Variants in ADAMTS7 observed in about 807,000 individuals in gnomAD.
ADAMTS7 encodes ADAM metallopeptidase with thrombospondin type 1 motif 7.
In ADAMTS7, 89 loss-of-function variants were observed where a neutral mutation model predicts 172.6. The ratio of observed to expected loss-of-function variants is 0.52; its 90% CI spans 0.43 to 0.61. The LOEUF is 0.61. ADAMTS7 is among the 20% of genes least tolerant of loss of function. The pLI is 0.00. For missense variants in ADAMTS7, 1,973 were observed against 2,355.6 expected, an observed-to-expected ratio of 0.84 and a Z score of 3.36; for synonymous variants, 885 against 978.4, an observed-to-expected ratio of 0.90 and a Z score of 1.78.
At chr15:78,774,010 G>A (rs1384416840) in intron 13 of ADAMTS7, among the ~76,000 whole-genome samples, 157 bp downstream of exon 13, 1 of 152,188 alleles carries the variant, frequency 6.6e-6, no homozygotes, top group African/African-American at 2.4e-5. Context: ...AGAGCATGGG[G>A]AGGGTGGCCC....
At position 78,759,308 on chromosome 15, in the gene ADAMTS7, G is replaced by A; in HGVS notation, c.*113C>T. The A allele has an allele frequency of 9.9e-7, 1 of 1,013,898 alleles. No individual in the cohort carries two copies. The highest frequency in any genetic ancestry group is 3.0e-5 in the East Asian group (1 of 33,570). The allele number at this position is 1,013,898 out of a possible 1,614,324, so 62.8% of individuals were successfully genotyped here. ...TTGAGGGGGAGGAGGTCCCCAGCCT[G>A]CTGCTGGGTAGTGAGAGGGGGTTAG... On this transcript the variant is annotated 3_prime_UTR_variant, in exon 24 of 24. Coordinates refer to ENST00000388820, the MANE Select transcript of ADAMTS7 (RefSeq NM_014272.5).
chr15:78,765,511 CT>C (rs2055124623), intron 19 of ADAMTS7, 133 bp downstream of exon 19: 4 of 1,447,730 alleles, frequency 2.8e-6, no homozygotes, highest in African/African-American at 1.4e-5. Flanking sequence ...CCTCATCCCC[CT>C]AATCCTGGGA....
At chr15:78,792,652 A>C (rs1369625772) in intron 4 of ADAMTS7, among the ~76,000 whole-genome samples, 4 of 152,210 alleles carry the variant, frequency 2.6e-5, no homozygotes, top group Non-Finnish European at 4.4e-5. Flanking sequence ...GTCTCTACTA[A>C]AAATACAAAA....
intron 4 of ADAMTS7, 34 bp downstream of exon 4, chr15:78,796,556 C>A: frequency 3.2e-6 from 5 of 1,569,714 alleles, no homozygotes; most frequent in Non-Finnish European, 4.4e-6. Flanking sequence ...CCAACACCAT[C>A]CCCGCCACCC....
intron 6 of ADAMTS7, among the ~76,000 whole-genome samples, chr15:78,790,161 G>A (rs1025115500): frequency 6.6e-5 from 10 of 152,328 alleles, no homozygotes; most frequent in African/African-American, 2.4e-4. Flanking sequence ...AGCAGTTGCC[G>A]GAGGTTAGGG....
At position 78,774,658 on chromosome 15, in the gene ADAMTS7, G is replaced by A. The variant is rs752925541; in HGVS notation, c.1842C>T (p.Gly614=). 4.3e-6 allele frequency: 7 copies of A among 1,611,628 alleles called. No individual in the cohort carries two copies. The East Asian group carries it at 1.1e-4, about 26-fold the overall frequency. ...CSHFDAMLYK[G]QLHTWVPVVN... Reference sequence around the variant, plus strand: ...CCACGGGCACCCATGTGTGCAGCTGGCCCTTGTAGAGCATAGCGTCAAAGT... The same window carrying A: ...CCACGGGCACCCATGTGTGCAGCTGACCCTTGTAGAGCATAGCGTCAAAGT... The change falls in exon 12 of 24, where the codon GGC becomes GGT. Residue 614 remains glycine, a synonymous_variant. Transcript: ENST00000388820.
intron 8 of ADAMTS7, among the ~76,000 whole-genome samples, chr15:78,780,965 T>A (rs553925445): frequency 1.3e-5 from 2 of 152,250 alleles, no homozygotes; most frequent in South Asian, 4.1e-4. Context: ...GACAGGCACC[T>A]GGAGGTCTGT....
At position 78,765,980 on chromosome 15, in the gene ADAMTS7, C is replaced by G. The variant is rs199598321; in HGVS notation, c.3931G>C (p.Glu1311Gln). ...GTTGGGAAGGAGGGAGTCCCCGGCTCCAGGGAACTGTCCCTGACCTTCATC... is the reference window on the plus strand; with the variant it reads ...GTTGGGAAGGAGGGAGTCCCCGGCTGCAGGGAACTGTCCCTGACCTTCATC... ...PEMKVRDSSLEPGTPSFPTPG... is the reference protein window; with the variant it reads ...PEMKVRDSSLQPGTPSFPTPG... Residue 1311 changes from glutamate to glutamine, a missense_variant, in exon 19 of 24, where the codon GAG (glutamate) becomes CAG (glutamine). This residue lies in a region of ADAMTS7 where 771 missense variants were observed against 952.6 expected (regional missense o/e 0.81). Coordinates refer to ENST00000388820, the MANE Select transcript of ADAMTS7 (RefSeq NM_014272.5). 11 of 1,597,372 alleles carry G rather than the reference C, an allele frequency of 6.9e-6. No individual in the cohort carries two copies. The highest frequency in any genetic ancestry group is 5.3e-5 in the Admixed American group (3 of 56,144).
chr15:78,793,632 C>A (rs144030296), intron 4 of ADAMTS7, among the ~76,000 whole-genome samples: 1 of 152,328 alleles, frequency 6.6e-6, no homozygotes, highest in East Asian at 1.9e-4. Context: ...CTGAAATATT[C>A]CTTGGGAAAT....
intron 21 of ADAMTS7, 31 bp downstream of exon 21, chr15:78,763,895 C>T (rs543253106): frequency 6.4e-7 from 1 of 1,563,556 alleles, no homozygotes; most frequent in African/African-American, 1.3e-5. Flanking sequence ...TGAGGGCGTC[C>T]CCTCCCCCCA....
intron 23 of ADAMTS7, among the ~76,000 whole-genome samples, chr15:78,761,391 G>A (rs1462309941): frequency 5.9e-5 from 9 of 152,222 alleles, no homozygotes; most frequent in Admixed American, 2.0e-4. Context: ...TCACGCCACG[G>A]CTTCTGGATT....
Position 78,771,763 on chromosome 15 carries a change from G to T in ADAMTS7, c.2198C>A (p.Ala733Asp). 3 of 1,612,512 alleles carry T rather than the reference G, an allele frequency of 1.9e-6. No homozygotes were observed. The highest frequency in any genetic ancestry group is 1.7e-6 in the Non-Finnish European group (2 of 1,180,010). ...REIRIQEVAEAANFLALRSED... is the reference protein window; with the variant it reads ...REIRIQEVAEDANFLALRSED... ...GCTCCGCAGTGCCAGGAAGTTGGCA[G>T]CCTCGGCAACCTCTTGGATGCGGAT... is the stretch of plus-strand genomic sequence containing the variant. The change falls in exon 15 of 24, where the codon GCT (alanine) becomes GAT (aspartate). Residue 733 changes from alanine to aspartate, a missense_variant. Physicochemically the swap from Ala to Asp is moderately radical, Grantham distance 126. This residue lies in a region of ADAMTS7 where 771 missense variants were observed against 952.6 expected (regional missense o/e 0.81). Transcript: ENST00000388820. This position sits in a 1 kb window ranked among gnomAD's most constrained non-coding sequence, Gnocchi z 4.9.
rs149287948 is a variant in ADAMTS7, at chr15:78,797,987, G to A, written c.583C>T (p.Arg195Trp). ...GTGCTTGGAGCACTGGAATCACCCC[G>A]CTGTGCCAGCCTCTCCGGGGCCTGA... Reference protein sequence around the residue: ...KRQAPERLAQRGDSSAPSTCG... With the variant: ...KRQAPERLAQWGDSSAPSTCG... The change falls in exon 3 of 24, where the codon CGG becomes TGG. Residue 195 changes from arginine (R) to tryptophan (W), a missense_variant. By Grantham distance (101) the Arg-to-Trp change is moderately radical. Coordinates refer to ENST00000388820, the MANE Select transcript of ADAMTS7 (RefSeq NM_014272.5). The A allele has an allele frequency of 4.4e-6, 7 of 1,593,752 alleles. No homozygotes were observed. Among genetic ancestry groups the A allele is most frequent in the East Asian group, 2.3e-5 (1 of 42,962 alleles).
At chr15:78,763,239 C>T (rs1466891126) in intron 22 of ADAMTS7, among the ~76,000 whole-genome samples, 1 of 152,244 alleles carries the variant, frequency 6.6e-6, no homozygotes, top group Non-Finnish European at 1.5e-5. Flanking sequence ...GCCCAGCTGA[C>T]TCCAGGACCC....
chr15:78,781,795 G>A (rs575967977), intron 8 of ADAMTS7, among the ~76,000 whole-genome samples: 54 of 152,242 alleles, frequency 3.5e-4, no homozygotes, highest in African/African-American at 1.2e-3. Context: ...CCATCTTCAG[G>A]CCACTTCCCT....
At chr15:78,777,709 A>T (rs2055371461) in intron 8 of ADAMTS7, 121 bp from the exon 9 acceptor site, 3 of 1,283,822 alleles carry the variant, frequency 2.3e-6, no homozygotes, top group Non-Finnish European at 3.2e-6. Flanking sequence ...ACTGTAGGAA[A>T]CTCCAGCCTC....
chr15:78,796,825 C>T (rs1414693374), intron 3 of ADAMTS7, 39 bp from the exon 4 acceptor site: 1 of 1,561,232 alleles, frequency 6.4e-7, no homozygotes, highest in East Asian at 2.3e-5. Context: ...TGCCAGTGGA[C>T]AGGCCCAGGG....
chr15:78,811,450 G>GAGAA lies in ADAMTS7; in HGVS notation c.-234_-231dup, dbSNP rs988538324. 3.3e-4 allele frequency: 118 copies of GAGAA among 358,362 alleles called. No homozygotes were observed. The highest frequency in any genetic ancestry group is 1.3e-3 in the African/African-American group (63 of 47,098). 22.2% of individuals were successfully genotyped at this position (358,362 alleles called of 1,614,324 possible). A position where few individuals can be genotyped will look rare whatever the true frequency, so the allele number is the denominator to read the frequency against. On this transcript the variant is annotated 5_prime_UTR_variant, in exon 1 of 24. Transcript: ENST00000388820. ...AGAAAAGACAAGAGAGCTAGAAGGAGAGAAAGAAAGAAAGAAAGAAAGGGA... is the reference window on the plus strand; with the variant it reads ...AGAAAAGACAAGAGAGCTAGAAGGAGAGAAAGAAAGAAAGAAAGAAAGAAAGGGA...
chr15:78,774,344 G>A (rs2055303298), intron 12 of ADAMTS7, 44 bp from the exon 13 acceptor site: 2 of 1,511,814 alleles, frequency 1.3e-6, no homozygotes, highest in Non-Finnish European at 1.8e-6. Context: ...GCTGGGGCGG[G>A]AGTATGGAGG....
Sources: allele counts gnomAD v4.1 joint callset (sites outside exome capture counted in the v4.1 genomes callset), GRCh38; gene constraint gnomAD v4.1.1; regional missense constraint gnomAD v4.1.1; non-coding constraint Gnocchi (gnomAD v3.1); transcripts MANE v1.5; gene names NCBI Gene and HGNC (gene_info 2026-07-23, HGNC 2026-07-21).